The following RAPGEF4 variants were observed in gnomAD, a reference collection of about 807,000 sequenced individuals.
The protein encoded by RAPGEF4 is Rap guanine nucleotide exchange factor 4.
RAPGEF4 carries 66 observed loss-of-function variants against 147.9 expected under a neutral mutation model. The ratio of observed to expected loss-of-function variants is 0.45; its 90% CI spans 0.37 to 0.55. The LOEUF is 0.55. Ranked by LOEUF, RAPGEF4 falls within the 20% of genes least tolerant of loss-of-function variation. The probability of loss-of-function intolerance (pLI) is 0.00; values close to 1 mark genes in which losing one functional copy is unlikely to be tolerated. For missense variants in RAPGEF4, 1,071 were observed against 1,257.3 expected, an observed-to-expected ratio of 0.85 and a Z score of 2.24; for synonymous variants, 419 against 442.7, an observed-to-expected ratio of 0.95 and a Z score of 0.67.
intron 10 of RAPGEF4, among the ~76,000 whole-genome samples, chr2:172,974,463 C>A (rs920426281): frequency 1.3e-5 from 2 of 152,160 alleles, no homozygotes; most frequent in Admixed American, 1.3e-4. Context: ...GCACCCAGAT[C>A]ACTTGAACCC....
chr2:172,915,739 C>T (rs1684003625), intron 4 of RAPGEF4, among the ~76,000 whole-genome samples: 1 of 149,602 alleles, frequency 6.7e-6, no homozygotes, highest in Admixed American at 6.7e-5. Flanking sequence ...AGTTTTGCTT[C>T]AAAATAATTC....
In RAPGEF4 at chr2:172,816,288, C is replaced by T. The variant is rs570547129; in HGVS notation, c.444+1863C>T. Among the ~76,000 whole-genome samples the T allele has an allele frequency of 3.3e-5, 5 of 151,868 alleles. No individual in the cohort carries two copies. In the South Asian group the frequency reaches 1.0e-3, roughly 32 times the overall value. ...TCTCTCTCCTCTCTCCCTCTCTCCC[C>T]CTTCTCTCTCTTACTTTCCCCCTGC... On this transcript the variant is annotated intron_variant, in intron 4 of 30. Coordinates refer to ENST00000397081, the MANE Select transcript of RAPGEF4 (RefSeq NM_007023.4).
intron 4 of RAPGEF4, among the ~76,000 whole-genome samples, chr2:172,832,845 C>G (rs1690510372): frequency 6.6e-6 from 1 of 152,222 alleles, no homozygotes; most frequent in African/African-American, 2.4e-5. Flanking sequence ...TATTTTCAGA[C>G]TAATGGTTGG....
intron 1 of RAPGEF4, among the ~76,000 whole-genome samples, chr2:172,740,448 C>G (rs1367188607): frequency 6.6e-6 from 1 of 152,290 alleles, no homozygotes; most frequent in Non-Finnish European, 1.5e-5. Context: ...ATTCGTGTTT[C>G]AGTTTAAAAA....
chr2:172,843,645 T>C (rs533807963), intron 4 of RAPGEF4, among the ~76,000 whole-genome samples: 10 of 152,360 alleles, frequency 6.6e-5, no homozygotes, highest in African/African-American at 2.4e-4. Flanking sequence ...TGAACAGGTA[T>C]TGAATAGACA....
At chr2:173,007,704 G>A (rs146674805) in intron 17 of RAPGEF4, among the ~76,000 whole-genome samples, 1 of 152,304 alleles carries the variant, frequency 6.6e-6, no homozygotes, top group Non-Finnish European at 1.5e-5. Flanking sequence ...AAGTAGGGAA[G>A]CCAGGATGGG....
chr2:172,934,867 G>A (rs1394994477), intron 6 of RAPGEF4, among the ~76,000 whole-genome samples: 1 of 152,116 alleles, frequency 6.6e-6, no homozygotes, highest in African/African-American at 2.4e-5. Context: ...CAGAAACCTG[G>A]ATCAAGCCAC....
intron 10 of RAPGEF4, among the ~76,000 whole-genome samples, chr2:172,979,916 G>A (rs1400896758): frequency 1.3e-5 from 2 of 152,198 alleles, no homozygotes; most frequent in African/African-American, 4.8e-5. Flanking sequence ...TACTCAGGAG[G>A]CTGAGGCAGG....
At chr2:172,795,891 G>C (rs533885960) in intron 2 of RAPGEF4, among the ~76,000 whole-genome samples, 1 of 152,168 alleles carries the variant, frequency 6.6e-6, no homozygotes, top group African/African-American at 2.4e-5. Flanking sequence ...CCTCAGACTT[G>C]TCCCAAATTG....
rs374901249 is a variant in RAPGEF4, at chr2:173,034,868, G to A, written c.2700+904G>A. On this transcript the variant is annotated intron_variant, in intron 27 of 30. Coordinates refer to ENST00000397081, the MANE Select transcript of RAPGEF4 (RefSeq NM_007023.4). ...AGCCTGGGTGACAGAGTGCGACCCC[G>A]TCTCAACACACACACACACACACAC... is the stretch of plus-strand genomic sequence containing the variant. Among the ~76,000 whole-genome samples the A allele has an allele frequency of 3.2e-3, 331 of 102,462 alleles. 1 individual carries two copies. The highest frequency in any genetic ancestry group is 0.011 in the African/African-American group (265 of 24,702). The allele number at this position is 102,462 out of a possible 152,430, so 67.2% of individuals were successfully genotyped here.
At chr2:172,945,880 C>G (rs773018260) in intron 6 of RAPGEF4, among the ~76,000 whole-genome samples, 36 of 152,124 alleles carry the variant, frequency 2.4e-4, no homozygotes, top group Non-Finnish European at 3.7e-4. Flanking sequence ...GAAGAAATAT[C>G]TCATCCAAAG....
intron 6 of RAPGEF4, among the ~76,000 whole-genome samples, chr2:172,945,274 C>T (rs1687575028): frequency 6.6e-6 from 1 of 151,990 alleles, no homozygotes; most frequent in Non-Finnish European, 1.5e-5. Flanking sequence ...ATATGGTATG[C>T]TTTTAGGACT....
intron 1 of RAPGEF4, among the ~76,000 whole-genome samples, chr2:172,764,832 AT>A (rs1481547772): frequency 6.6e-6 from 1 of 152,162 alleles, no homozygotes; most frequent in African/African-American, 2.4e-5. Context: ...GCACTGGGCA[AT>A]TTGGTCAGCC....
intron 4 of RAPGEF4, among the ~76,000 whole-genome samples, chr2:172,832,544 T>G (rs1201950134): frequency 6.6e-6 from 1 of 152,230 alleles, no homozygotes; most frequent in Non-Finnish European, 1.5e-5. Flanking sequence ...ATAAATTTGT[T>G]TATCTGTGGT....
At chr2:172,748,414 T>C (rs1694963423) in intron 1 of RAPGEF4, among the ~76,000 whole-genome samples, 1 of 152,156 alleles carries the variant, frequency 6.6e-6, no homozygotes, top group East Asian at 1.9e-4. Flanking sequence ...GTGAAAGGCA[T>C]GTCTTACATT....
intron 21 of RAPGEF4, among the ~76,000 whole-genome samples, chr2:173,018,300 A>G (rs1023278751): frequency 2.6e-5 from 4 of 152,198 alleles, no homozygotes; most frequent in African/African-American, 9.7e-5. Context: ...GTGTCTCCCC[A>G]CTGCCACACA....
At chr2:172,755,619 C>T (rs1293159888) in intron 1 of RAPGEF4, among the ~76,000 whole-genome samples, 3 of 152,180 alleles carry the variant, frequency 2.0e-5, no homozygotes, top group Non-Finnish European at 4.4e-5. Flanking sequence ...TTGTCTCGAA[C>T]TCCTGACCTC....
intron 22 of RAPGEF4, among the ~76,000 whole-genome samples, chr2:173,019,691 C>T (rs1695863916): frequency 6.6e-6 from 1 of 152,086 alleles, no homozygotes; most frequent in Non-Finnish European, 1.5e-5. Flanking sequence ...CATTTCTGCT[C>T]CAGTTGCACA....
At chr2:172,960,711 A>G in intron 6 of RAPGEF4, 49 bp from the exon 7 acceptor site, 1 of 1,387,414 alleles carries the variant, frequency 7.2e-7, no homozygotes, top group Non-Finnish European at 1.0e-6. Context: ...AATTTTCTTC[A>G]GTGAACTTTT....
Sources: allele counts gnomAD v4.1 joint callset (sites outside exome capture counted in the v4.1 genomes callset), GRCh38; gene constraint gnomAD v4.1.1; transcripts MANE v1.5; gene names NCBI Gene and HGNC (gene_info 2026-07-23, HGNC 2026-07-21).